The following RIMS1 variants were observed in gnomAD, a reference collection of about 807,000 sequenced individuals.
RIMS1 encodes regulating synaptic membrane exocytosis protein 1.
Under a neutral mutation model 214.1 loss-of-function variants are expected in RIMS1, and 83 were observed. The observed-to-expected ratio is 0.39, with a 90% CI of 0.32 to 0.47. RIMS1 has a LOEUF of 0.47. Among genes scored for constraint, RIMS1 ranks in the 20% least tolerant of loss-of-function variants. The pLI, the probability that RIMS1 is intolerant of heterozygous loss-of-function variation, is 0.99. For synonymous variants in RIMS1, 793 were observed against 786.8 expected (o/e 1.01, Z -0.13); for missense variants, 2,050 against 2,161.8 (o/e 0.95, Z 1.03).
At chr6:72,233,139 T>G (rs1246309890) in intron 6 of RIMS1, among the ~76,000 whole-genome samples, 1 of 151,874 alleles carries the variant, frequency 6.6e-6, no homozygotes, top group Non-Finnish European at 1.5e-5. Context: ...TCAGATGCCT[T>G]CTTTAGCATT....
chr6:71,932,033 T>C (rs1055717336), intron 1 of RIMS1, among the ~76,000 whole-genome samples: 11 of 151,994 alleles, frequency 7.2e-5, no homozygotes, highest in African/African-American at 2.4e-5. Context: ...TTGGTGGAAG[T>C]GTAAATTAGT....
intron 29 of RIMS1, among the ~76,000 whole-genome samples, chr6:72,343,711 A>G (rs2097173880): frequency 6.6e-6 from 1 of 151,412 alleles, no homozygotes; most frequent in South Asian, 2.1e-4. Context: ...AATCAAGGGA[A>G]TGAAAGACTT....
chr6:72,115,459 A>T (rs944131526), intron 4 of RIMS1, among the ~76,000 whole-genome samples: 2 of 151,932 alleles, frequency 1.3e-5, no homozygotes, highest in Admixed American at 6.6e-5. Context: ...GCCTTTATCT[A>T]GGTTTGTCAA....
intron 2 of RIMS1, among the ~76,000 whole-genome samples, chr6:72,066,058 A>G (rs1467789934): frequency 6.6e-6 from 1 of 152,144 alleles, no homozygotes; most frequent in African/African-American, 2.4e-5. Flanking sequence ...GGGTAGTTGT[A>G]TATATGCAGG....
chr6:72,011,446 A>C (rs936468259), intron 2 of RIMS1, among the ~76,000 whole-genome samples: 1 of 152,218 alleles, frequency 6.6e-6, no homozygotes, highest in Admixed American at 6.5e-5. Context: ...AAAACACCAA[A>C]AGCAATGACA....
intron 29 of RIMS1, among the ~76,000 whole-genome samples, chr6:72,335,840 T>C (rs2096825917): frequency 6.6e-6 from 1 of 152,048 alleles, no homozygotes; most frequent in African/African-American, 2.4e-5. Flanking sequence ...TGAGCTTTTT[T>C]TTCATACGTT....
chr6:72,094,375 T>C (rs2030483803), intron 2 of RIMS1, among the ~76,000 whole-genome samples: 1 of 152,176 alleles, frequency 6.6e-6, no homozygotes, highest in African/African-American at 2.4e-5. Flanking sequence ...TTTATCTCAG[T>C]GGTCAGTGCC....
chr6:72,078,803 T>C (rs572112966), intron 2 of RIMS1, among the ~76,000 whole-genome samples: 1 of 152,298 alleles, frequency 6.6e-6, no homozygotes, highest in Admixed American at 6.5e-5. Context: ...GAACTCATAT[T>C]AAATGGAAGA....
intron 1 of RIMS1, among the ~76,000 whole-genome samples, chr6:71,893,975 T>A (rs1474237994): frequency 1.3e-5 from 2 of 152,246 alleles, no homozygotes; most frequent in Non-Finnish European, 2.9e-5. Flanking sequence ...TGACAAATTA[T>A]ATTGTCTTCC....
intron 2 of RIMS1, among the ~76,000 whole-genome samples, chr6:71,994,484 G>A (rs1380886093): frequency 6.6e-6 from 1 of 152,102 alleles, no homozygotes; most frequent in East Asian, 1.9e-4. Context: ...ATTGGTATAA[G>A]GCATTTTAAG....
At chr6:72,169,925 T>C (rs767829306) in intron 4 of RIMS1, among the ~76,000 whole-genome samples, 1 of 152,004 alleles carries the variant, frequency 6.6e-6, no homozygotes, top group East Asian at 1.9e-4. Context: ...ACAAAACATA[T>C]GTGAGATGAC....
At chr6:72,024,020 C>T (rs1342985105) in intron 2 of RIMS1, among the ~76,000 whole-genome samples, 1 of 152,130 alleles carries the variant, frequency 6.6e-6, no homozygotes, top group Non-Finnish European at 1.5e-5. Context: ...AACTACAAAG[C>T]TTTAGTGTCT....
chr6:72,198,349 A>G (rs199915248), intron 6 of RIMS1, among the ~76,000 whole-genome samples: 1 of 137,944 alleles, frequency 7.2e-6, no homozygotes, highest in Admixed American at 7.4e-5. Context: ...CATCATCATC[A>G]TCTGCAGTAA....
At chr6:72,273,039 A>C (rs568047690) in intron 22 of RIMS1, among the ~76,000 whole-genome samples, 1 of 152,260 alleles carries the variant, frequency 6.6e-6, no homozygotes, top group Admixed American at 6.5e-5. Context: ...CTTCTGCTCA[A>C]AATCTGCTAT....
chr6:72,165,757 A>T (rs573192635), intron 4 of RIMS1, among the ~76,000 whole-genome samples: 2 of 152,150 alleles, frequency 1.3e-5, no homozygotes, highest in East Asian at 1.9e-4. Flanking sequence ...AGGAGAAAAA[A>T]TGCTGCTAGT....
At chr6:72,224,716 G>A (rs953372822) in intron 6 of RIMS1, among the ~76,000 whole-genome samples, 2 of 152,100 alleles carry the variant, frequency 1.3e-5, no homozygotes, top group African/African-American at 2.4e-5. Context: ...AATCTATATG[G>A]ATTTGTTGAT....
intron 29 of RIMS1, among the ~76,000 whole-genome samples, chr6:72,376,506 C>A (rs2098383923): frequency 6.6e-6 from 1 of 152,116 alleles, no homozygotes; most frequent in African/African-American, 2.4e-5. Context: ...GTAATCCCAG[C>A]ACTGGGGGAG....
chr6:72,012,180 C>G (rs916078143), intron 2 of RIMS1, among the ~76,000 whole-genome samples: 12 of 152,008 alleles, frequency 7.9e-5, no homozygotes, highest in African/African-American at 2.9e-4. Context: ...GTCCTTTGTA[C>G]GGACATGGAG....
chr6:72,307,163 T>G, intron 26 of RIMS1, 95 bp from the exon 27 acceptor site: 1 of 757,818 alleles, frequency 1.3e-6, no homozygotes, highest in East Asian at 2.7e-5. Context: ...TTTTATTTAA[T>G]TGAAGTCATT....
Sources: gnomAD v4.1 joint callset for allele counts (sites outside exome capture counted in the v4.1 genomes callset) on GRCh38, gnomAD v4.1.1 for gene constraint, MANE v1.5 for transcripts, NCBI Gene and HGNC (gene_info 2026-07-23, HGNC 2026-07-21) for gene names.